The following ZFPM1 variants were observed in gnomAD, a reference collection of about 807,000 sequenced individuals.
The protein encoded by ZFPM1 is zinc finger protein, FOG family member 1.
ZFPM1 carries 28 observed loss-of-function variants against 46.3 expected under a neutral mutation model. The observed-to-expected ratio is 0.60, with a 90% CI of 0.45 to 0.83. The LOEUF (loss-of-function observed/expected upper bound fraction) is 0.83, where lower values mean the gene tolerates loss of function less well. Ranked by LOEUF, ZFPM1 falls within the 40% of genes least tolerant of loss-of-function variation. ZFPM1 has a pLI of 0.00. For missense variants in ZFPM1, 1,878 were observed against 1,432.4 expected (o/e 1.31, Z -5.02); for synonymous variants, 957 against 675.9 (o/e 1.42, Z -6.45).
chr16:88,518,584 G>A (rs371688954), intron 4 of ZFPM1, among the ~76,000 whole-genome samples: 17 of 149,660 alleles, frequency 1.1e-4, no homozygotes, highest in South Asian at 6.4e-4. Context: ...GTAGATGGAC[G>A]GATGGTTGGG....
intron 3 of ZFPM1, among the ~76,000 whole-genome samples, chr16:88,506,113 A>C (rs1910643524): frequency 1.3e-5 from 2 of 152,008 alleles, no homozygotes; most frequent in Admixed American, 6.5e-5. Context: ...GGGTGCTCTG[A>C]GGTTTGTGGC....
intron 3 of ZFPM1, among the ~76,000 whole-genome samples, chr16:88,506,188 A>T (rs1910646947): frequency 6.7e-6 from 1 of 149,548 alleles, no homozygotes; most frequent in African/African-American, 2.5e-5. Flanking sequence ...AAGGCAGAGG[A>T]GACCAGGGCA....
intron 1 of ZFPM1, among the ~76,000 whole-genome samples, chr16:88,470,101 G>A (rs145862260): frequency 2.6e-3 from 400 of 152,274 alleles, no homozygotes; most frequent in Non-Finnish European, 3.2e-3. Flanking sequence ...AAAAGGAAAC[G>A]GAGAAAAAGC....
chr16:88,498,772 C>A (rs1597253074), intron 3 of ZFPM1, among the ~76,000 whole-genome samples: 1 of 152,354 alleles, frequency 6.6e-6, no homozygotes, highest in Non-Finnish European at 1.5e-5. Context: ...TCACATTGGG[C>A]CTGCGGCTGC....
rs1907395455 is a variant in ZFPM1 at position 88,453,694 on chromosome 16, C to G, written c.40+16C>G. On this transcript the variant is annotated intron_variant, in intron 1 of 9. Coordinates refer to ENST00000319555, the MANE Select transcript of ZFPM1 (RefSeq NM_153813.3). ...CAGATCAAGCGTGAGTCAAACTTTG[C>G]CCGCGGTCCCCTCCGCGCGCCCGAC... 3 of 1,191,954 alleles carry G rather than the reference C, an allele frequency of 2.5e-6. No homozygotes were observed. The South Asian group carries it at 6.0e-5, about 24-fold the overall frequency. The allele number at this position is 1,191,954 out of a possible 1,614,324, so 73.8% of individuals were successfully genotyped here. A position where few individuals can be genotyped will look rare whatever the true frequency, so the allele number is the denominator to read the frequency against.
chr16:88,525,295 C>G (rs1160016704), intron 4 of ZFPM1, among the ~76,000 whole-genome samples: 4 of 152,226 alleles, frequency 2.6e-5, no homozygotes, highest in Admixed American at 6.5e-5. Context: ...GGGCTGGCAC[C>G]TAGTGGGGAG....
Position 88,533,466 on chromosome 16 carries a change from A to C in ZFPM1, c.1508A>C (p.Glu503Ala). 1 of 1,430,450 alleles carries C rather than the reference A, an allele frequency of 7.0e-7. No individual in the cohort carries two copies. The highest frequency in any genetic ancestry group is 9.1e-7 in the Non-Finnish European group (1 of 1,100,026). The allele number at this position is 1,430,450 out of a possible 1,614,324, so 88.6% of individuals were successfully genotyped here. ...CCCGCCCCGGCCAGGGTCAAGGCCG[A>C]GCTGTCCAGCCCCACGCCGGGCTCC... is the stretch of plus-strand genomic sequence containing the variant. ...RSPAPARVKA[E>A]LSSPTPGSSP... is the part of the protein sequence containing the mutation. The change falls in exon 10 of 10, where the codon GAG becomes GCG. Residue 503 changes from glutamate (E) to alanine (A), a missense_variant. Coordinates refer to ENST00000319555, the MANE Select transcript of ZFPM1 (RefSeq NM_153813.3).
chr16:88,464,598 G>A (rs1277297641), intron 1 of ZFPM1, among the ~76,000 whole-genome samples: 1 of 152,206 alleles, frequency 6.6e-6, no homozygotes, highest in Non-Finnish European at 1.5e-5. Flanking sequence ...AAAGCAGAGA[G>A]ACCCCCTACC....
At position 88,535,136 on chromosome 16, in the gene ZFPM1, C is replaced by G; in HGVS notation, c.*157C>G. The G allele has an allele frequency of 1.1e-6, 1 of 919,464 alleles. No homozygotes were observed. Among genetic ancestry groups the G allele is most frequent in the Admixed American group, 4.3e-5 (1 of 23,104 alleles). 57.0% of individuals were successfully genotyped at this position (919,464 alleles called of 1,614,324 possible). ...GGGCAGCGCCCGCCTGGACCCTTGG[C>G]ACTTAATAAAGAAGTTCAGTTTGAT... On this transcript the variant is annotated 3_prime_UTR_variant, in exon 10 of 10. Coordinates refer to ENST00000319555, the MANE Select transcript of ZFPM1 (RefSeq NM_153813.3).
At chr16:88,493,236 G>A (rs992130138) in intron 3 of ZFPM1, among the ~76,000 whole-genome samples, 6 of 147,982 alleles carry the variant, frequency 4.1e-5, no homozygotes, top group Non-Finnish European at 9.0e-5. Flanking sequence ...GCTGTCCCAC[G>A]GTGAGGAGAG....
chr16:88,513,795 T>C lies in ZFPM1; in HGVS notation c.269-592T>C, dbSNP rs1441070446. On this transcript the variant is annotated intron_variant, in intron 3 of 9. Coordinates refer to ENST00000319555, the MANE Select transcript of ZFPM1 (RefSeq NM_153813.3). ...CCTTCCAGAGGCTCCCTCCTGCCAC[T>C]CTCAGCTTCTGGGGGCTTCAGGCGA... 3.3e-5 allele frequency among the ~76,000 whole-genome samples: 5 copies of C among 152,192 alleles called. No individual in the cohort carries two copies. The South Asian group carries it at 6.2e-4, about 19-fold the overall frequency.
intron 6 of ZFPM1, among the ~76,000 whole-genome samples, chr16:88,528,683 G>A (rs1912541879): frequency 6.6e-6 from 1 of 152,250 alleles, no homozygotes; most frequent in South Asian, 2.1e-4. Flanking sequence ...CCCACTAGGT[G>A]CTGCCACCAC....
At chr16:88,509,450 G>A (rs1376203968) in intron 3 of ZFPM1, among the ~76,000 whole-genome samples, 1 of 152,218 alleles carries the variant, frequency 6.6e-6, no homozygotes, top group Non-Finnish European at 1.5e-5. Context: ...CCAGCCATTA[G>A]GCACACAGGG....
At chr16:88,451,840 TC>T (rs1907293489), upstream of ZFPM1, among the ~76,000 whole-genome samples, 1 of 152,040 alleles carries the variant, frequency 6.6e-6, no homozygotes, top group South Asian at 2.1e-4. Flanking sequence ...GTCTCAGTGT[TC>T]CTGTCTGTCC....
rs1913209282 is a variant in ZFPM1 at position 88,535,495 on chromosome 16, C to T, written c.*516C>T. ...GGGCACTGACCTGGCTGGCCATCCCCCAACCCTGCATGGTCCTGGGGGTCC... is the reference window on the plus strand; with the variant it reads ...GGGCACTGACCTGGCTGGCCATCCCTCAACCCTGCATGGTCCTGGGGGTCC... On this transcript the variant is annotated 3_prime_UTR_variant, in exon 10 of 10. Coordinates refer to ENST00000319555, the MANE Select transcript of ZFPM1 (RefSeq NM_153813.3). 1 of 152,526 alleles carries T rather than the reference C, an allele frequency of 6.6e-6. No individual in the cohort carries two copies. The highest frequency in any genetic ancestry group is 1.5e-5 in the Non-Finnish European group (1 of 68,230). 9.4% of individuals were successfully genotyped at this position (152,526 alleles called of 1,614,324 possible).
intron 6 of ZFPM1, 127 bp downstream of exon 6, chr16:88,528,365 G>A: frequency 8.9e-7 from 1 of 1,127,332 alleles, no homozygotes; most frequent in Non-Finnish European, 1.2e-6. Flanking sequence ...TGAGAGGTAA[G>A]GCAGGGAAGG....
chr16:88,525,530 GA>G (rs1362455953), intron 4 of ZFPM1, among the ~76,000 whole-genome samples: 2 of 152,254 alleles, frequency 1.3e-5, no homozygotes, highest in Non-Finnish European at 2.9e-5. Context: ...GTGTTTACAG[GA>G]AGTGCTGGAG....
chr16:88,531,157 G>C (rs1912755107), intron 6 of ZFPM1: 1 of 152,260 alleles, frequency 6.6e-6, no homozygotes. Flanking sequence ...GGGCCCCTGG[G>C]TTCCACACGG....
chr16:88,514,665 G>A (rs1911182031), intron 4 of ZFPM1, 145 bp downstream of exon 4: 6 of 1,192,022 alleles, frequency 5.0e-6, no homozygotes, highest in Non-Finnish European at 6.8e-6. Context: ...TGGAGGATAG[G>A]GAGGGATTCG....
Sources: gnomAD v4.1 joint callset for allele counts (sites outside exome capture counted in the v4.1 genomes callset) on GRCh38, gnomAD v4.1.1 for gene constraint, MANE v1.5 for transcripts, NCBI Gene and HGNC (gene_info 2026-07-23, HGNC 2026-07-21) for gene names.